The following NSMCE2 variants were observed in gnomAD, a reference collection of about 807,000 sequenced individuals.
The protein encoded by NSMCE2 is E3 SUMO-protein ligase NSE2.
In NSMCE2, 24 loss-of-function variants were observed where a neutral mutation model predicts 23.8. That is an observed-to-expected ratio of 1.01 (90% CI 0.73 to 1.42). The LOEUF is 1.42. NSMCE2 is among the 40% of genes most tolerant of loss of function. The pLI, the probability that NSMCE2 is intolerant of heterozygous loss-of-function variation, is 0.00. For synonymous variants in NSMCE2, 92 were observed against 94.1 expected (o/e 0.98, Z 0.13); for missense variants, 284 against 296.5 (o/e 0.96, Z 0.31).
At chr8:125,115,239 C>T (rs906932562) in intron 3 of NSMCE2, among the ~76,000 whole-genome samples, 3 of 152,188 alleles carry the variant, frequency 2.0e-5, no homozygotes, top group African/African-American at 7.2e-5. Flanking sequence ...TTAGACCCTC[C>T]CCAACAGCTG....
intron 3 of NSMCE2, 76 bp downstream of exon 3, chr8:125,102,563 T>G: frequency 1.7e-6 from 2 of 1,160,842 alleles, no homozygotes; most frequent in Non-Finnish European, 2.6e-6. Flanking sequence ...GGGGTGCCTT[T>G]TGAGTATCCT....
chr8:125,280,937 C>G (rs935778714), intron 5 of NSMCE2, among the ~76,000 whole-genome samples: 8 of 152,174 alleles, frequency 5.3e-5, no homozygotes, highest in African/African-American at 1.4e-4. Context: ...TGCCTGCTGC[C>G]CTACAAACCT....
At chr8:125,221,248 A>G (rs1824848311) in intron 5 of NSMCE2, among the ~76,000 whole-genome samples, 1 of 152,118 alleles carries the variant, frequency 6.6e-6, no homozygotes, top group Non-Finnish European at 1.5e-5. Flanking sequence ...CTTTACATAG[A>G]TGTATCTCTT....
At chr8:125,269,863 T>G (rs552157447) in intron 5 of NSMCE2, among the ~76,000 whole-genome samples, 1 of 152,226 alleles carries the variant, frequency 6.6e-6, no homozygotes, top group Non-Finnish European at 1.5e-5. Context: ...CAAAGTAAGC[T>G]AAACATAACT....
intron 5 of NSMCE2, among the ~76,000 whole-genome samples, chr8:125,271,947 T>C (rs1411477496): frequency 6.6e-6 from 1 of 152,190 alleles, no homozygotes; most frequent in East Asian, 1.9e-4. Flanking sequence ...CCCAGAGATA[T>C]TCGGTGACTT....
intron 5 of NSMCE2, among the ~76,000 whole-genome samples, chr8:125,305,291 A>G (rs544913716): frequency 2.6e-5 from 4 of 152,330 alleles, no homozygotes; most frequent in South Asian, 2.1e-4. Context: ...CCATTTTACT[A>G]CTGTGAAAAC....
intron 3 of NSMCE2, among the ~76,000 whole-genome samples, chr8:125,123,315 A>G (rs1819357061): frequency 6.6e-6 from 1 of 152,158 alleles, no homozygotes; most frequent in African/African-American, 2.4e-5. Context: ...AGCCCTTTAC[A>G]TTTTCTGAAG....
chr8:125,110,762 GTTTT>G (rs1017002301), intron 3 of NSMCE2, among the ~76,000 whole-genome samples: 19 of 41,826 alleles, frequency 4.5e-4, no homozygotes, highest in East Asian at 1.6e-3. Context: ...GGTTGTTGTT[GTTTT>G]TTTTTTTTTT....
intron 5 of NSMCE2, among the ~76,000 whole-genome samples, chr8:125,198,649 C>CT (rs1378470120): frequency 1.3e-5 from 2 of 152,094 alleles, no homozygotes; most frequent in Non-Finnish European, 2.9e-5. Context: ...CTAAAATTCT[C>CT]TTTTTTTGTT....
chr8:125,272,766 T>TATAC (rs1554629633), intron 5 of NSMCE2, among the ~76,000 whole-genome samples: 4 of 141,772 alleles, frequency 2.8e-5, no homozygotes, highest in African/African-American at 1.1e-4. Flanking sequence ...TATATATATA[T>TATAC]ACACACACAC....
At chr8:125,284,394 C>T (rs938662781) in intron 5 of NSMCE2, among the ~76,000 whole-genome samples, 12 of 152,172 alleles carry the variant, frequency 7.9e-5, no homozygotes, top group African/African-American at 1.9e-4. Context: ...GGGATTCTAG[C>T]GGAGTCACAT....
chr8:125,203,152 A>T (rs1455359463), intron 5 of NSMCE2, among the ~76,000 whole-genome samples: 2 of 152,104 alleles, frequency 1.3e-5, no homozygotes, highest in Non-Finnish European at 2.9e-5. Flanking sequence ...ATTGAAAAAA[A>T]TGGTCTTTGC....
chr8:125,174,733 T>A (rs1822394771), intron 4 of NSMCE2, among the ~76,000 whole-genome samples: 1 of 152,254 alleles, frequency 6.6e-6, no homozygotes, highest in Non-Finnish European at 1.5e-5. Flanking sequence ...GGTTGGCTGC[T>A]ACTTAATAGT....
chr8:125,207,483 A>C (rs1824160476), intron 5 of NSMCE2, among the ~76,000 whole-genome samples: 1 of 152,140 alleles, frequency 6.6e-6, no homozygotes, highest in South Asian at 2.1e-4. Flanking sequence ...TAAATATTAA[A>C]CATAAAAGAA....
intron 3 of NSMCE2, among the ~76,000 whole-genome samples, chr8:125,125,233 G>A (rs1439027301): frequency 4.6e-5 from 7 of 152,144 alleles, no homozygotes; most frequent in Non-Finnish European, 7.3e-5. Context: ...AGTGTCAAGA[G>A]CATACATCCT....
intron 5 of NSMCE2, among the ~76,000 whole-genome samples, chr8:125,331,647 G>C (rs1237645102): frequency 1.3e-5 from 2 of 151,930 alleles, no homozygotes; most frequent in African/African-American, 2.4e-5. Context: ...TAATCCTTCA[G>C]AATAGCACAG....
At chr8:125,209,224 T>G (rs1451182985) in intron 5 of NSMCE2, among the ~76,000 whole-genome samples, 1 of 152,210 alleles carries the variant, frequency 6.6e-6, no homozygotes, top group Admixed American at 6.5e-5. Context: ...TCTGTAGCCA[T>G]GTATTGATTG....
intron 5 of NSMCE2, among the ~76,000 whole-genome samples, chr8:125,228,863 A>T (rs1414722997): frequency 2.0e-5 from 3 of 152,156 alleles, no homozygotes; most frequent in Non-Finnish European, 2.9e-5. Context: ...GTATGTGGCC[A>T]CTCACAGACG....
intron 5 of NSMCE2, among the ~76,000 whole-genome samples, chr8:125,214,563 A>C (rs1420582488): frequency 6.6e-6 from 1 of 152,140 alleles, no homozygotes; most frequent in Non-Finnish European, 1.5e-5. Context: ...AATTTTTTAA[A>C]ATTAATAGAC....
Sources: allele counts gnomAD v4.1 joint callset (sites outside exome capture counted in the v4.1 genomes callset), GRCh38; gene constraint gnomAD v4.1.1; transcripts MANE v1.5; gene names NCBI Gene and HGNC (gene_info 2026-07-23, HGNC 2026-07-21).